The following CCDC171 variants were observed in gnomAD, a reference collection of about 807,000 sequenced individuals.
CCDC171 encodes the protein coiled-coil domain-containing protein 171.
Under a neutral mutation model 168.2 loss-of-function variants are expected in CCDC171, and 177 were observed. That is an observed-to-expected ratio of 1.05 (90% CI 0.93 to 1.19). CCDC171 has a LOEUF of 1.19. Ranked by LOEUF, CCDC171 falls within the 50% of genes most tolerant of loss-of-function variation. The pLI is 0.00. For missense variants in CCDC171, 1,991 were observed against 1,539.0 expected, an observed-to-expected ratio of 1.29 and a Z score of -4.91; for synonymous variants, 687 against 540.8, an observed-to-expected ratio of 1.27 and a Z score of -3.75.
intron 18 of CCDC171, among the ~76,000 whole-genome samples, chr9:15,748,739 G>T (rs1376726354): frequency 6.6e-6 from 1 of 152,102 alleles, no homozygotes; most frequent in Non-Finnish European, 1.5e-5. Flanking sequence ...CTTAAGTGAA[G>T]GAGAAATAAA....
At chr9:15,893,480 C>A (rs1388886840) in intron 24 of CCDC171, among the ~76,000 whole-genome samples, 3 of 152,118 alleles carry the variant, frequency 2.0e-5, no homozygotes, top group Non-Finnish European at 4.4e-5. Flanking sequence ...AAGAAGCTAT[C>A]ATCAGATTGA....
In CCDC171 at chr9:15,947,764, T is replaced by C. The variant is rs79946299; in HGVS notation, c.3754-23845T>C. 1.7e-3 allele frequency among the ~76,000 whole-genome samples: 259 copies of C among 152,144 alleles called. 2 individuals are homozygous for C. Among genetic ancestry groups the C allele is most frequent in the African/African-American group, 5.8e-3 (241 of 41,568 alleles). ...GGATCATTTGGTGATTCTATTTTTT[T>C]TTCCCAGTGGTTCATAATGGGCATA... is the stretch of plus-strand genomic sequence containing the variant. On this transcript the variant is annotated intron_variant, in intron 25 of 25. Transcript: ENST00000380701.
At chr9:16,036,467 A>G (rs1586850170) in intron 8 of CCDC171, among the ~76,000 whole-genome samples, 1 of 152,064 alleles carries the variant, frequency 6.6e-6, no homozygotes, top group Non-Finnish European at 1.5e-5. Context: ...ACATGGTGAA[A>G]CCCCGTCTCT....
intron 25 of CCDC171, among the ~76,000 whole-genome samples, chr9:15,968,392 C>A (rs1480154668): frequency 6.6e-6 from 1 of 152,130 alleles, no homozygotes; most frequent in African/African-American, 2.4e-5. Flanking sequence ...CTGTCCTTTA[C>A]TCTCTGTGTT....
chr9:15,826,857 T>G (rs544404699), intron 21 of CCDC171, among the ~76,000 whole-genome samples: 1 of 152,344 alleles, frequency 6.6e-6, no homozygotes, highest in African/African-American at 2.4e-5. Context: ...ACCATTATGT[T>G]TTAGATTAAT....
rs145594508 is a variant in CCDC171 at position 15,922,176 on chromosome 9, C to T, written c.3753+1754C>T. On this transcript the variant is annotated intron_variant, in intron 25 of 25. Coordinates refer to ENST00000380701, the MANE Select transcript of CCDC171 (RefSeq NM_173550.4). ...GTAGTGATTCTTCATCTATAGAATG[C>T]GAAACATTCCCCCAGGTGATTCTGA... 2.5e-3 allele frequency: 996 copies of T among 406,072 alleles called. 9 individuals are homozygous for T. The highest frequency in any genetic ancestry group is 0.018 in the African/African-American group (890 of 49,446). The allele number at this position is 406,072 out of a possible 1,614,324, so 25.2% of individuals were successfully genotyped here.
intron 3 of CCDC171, among the ~76,000 whole-genome samples, chr9:15,572,154 C>A (rs2040277442): frequency 6.6e-6 from 1 of 152,010 alleles, no homozygotes; most frequent in Non-Finnish European, 1.5e-5. Flanking sequence ...TAGTTCAGTT[C>A]ATAAATTGTC....
intron 23 of CCDC171, among the ~76,000 whole-genome samples, chr9:15,870,024 G>A (rs2061967872): frequency 6.6e-6 from 1 of 151,580 alleles, no homozygotes; most frequent in Non-Finnish European, 1.5e-5. Context: ...TGAACCATAT[G>A]GTCTTTGTCT....
chr9:15,932,883 G>A (rs1289984086), intron 25 of CCDC171, among the ~76,000 whole-genome samples: 1 of 151,820 alleles, frequency 6.6e-6, no homozygotes, highest in African/African-American at 2.4e-5. Context: ...TGTTAATGTG[G>A]TATATCACAG....
At chr9:16,072,310 T>G in the CCDC171 span, among the ~76,000 whole-genome samples, 1 of 152,208 alleles carries the variant, frequency 6.6e-6, no homozygotes, top group Non-Finnish European at 1.5e-5. Flanking sequence ...CTTCCTCTCC[T>G]GACCCTAACT....
chr9:16,089,178 A>T, the CCDC171 span, among the ~76,000 whole-genome samples: 6 of 151,962 alleles, frequency 3.9e-5, no homozygotes, highest in East Asian at 9.8e-4. Flanking sequence ...CTGAAACTGG[A>T]CCCCTTCTTT....
chr9:16,083,633 G>T, the CCDC171 span, among the ~76,000 whole-genome samples: 1 of 152,110 alleles, frequency 6.6e-6, no homozygotes, highest in Non-Finnish European at 1.5e-5. Context: ...GATGGTTCTA[G>T]AAAGACCTAG....
intron 1 of CCDC171, among the ~76,000 whole-genome samples, chr9:16,047,038 A>G (rs539062919): frequency 6.6e-6 from 1 of 152,168 alleles, no homozygotes; most frequent in Non-Finnish European, 1.5e-5. Context: ...TAAGGACTGC[A>G]TCCTTGGCCT....
chr9:15,735,048 A>AC (rs1564309763), intron 16 of CCDC171, among the ~76,000 whole-genome samples: 3 of 152,224 alleles, frequency 2.0e-5, no homozygotes, highest in Non-Finnish European at 2.9e-5. Flanking sequence ...TATCTGAAAA[A>AC]ATGTAGTAGA....
At chr9:15,777,109 T>C (rs1024016661) in intron 18 of CCDC171, among the ~76,000 whole-genome samples, 4 of 152,238 alleles carry the variant, frequency 2.6e-5, no homozygotes, top group African/African-American at 7.2e-5. Flanking sequence ...GCAGGCCATG[T>C]TGGATATGCT....
At chr9:15,838,451 C>G (rs545259072) in intron 21 of CCDC171, among the ~76,000 whole-genome samples, 38 of 152,316 alleles carry the variant, frequency 2.5e-4, no homozygotes, top group African/African-American at 9.1e-4. Context: ...GGCTGCTTCA[C>G]AGCCTAGAAT....
intron 24 of CCDC171, among the ~76,000 whole-genome samples, chr9:15,901,897 G>T (rs1364746811): frequency 1.3e-5 from 2 of 152,098 alleles, no homozygotes; most frequent in Non-Finnish European, 2.9e-5. Context: ...CTTTATAATA[G>T]TTTATAATGA....
At chr9:15,648,025 A>G (rs2047189835) in intron 7 of CCDC171, among the ~76,000 whole-genome samples, 1 of 152,228 alleles carries the variant, frequency 6.6e-6, no homozygotes, top group African/African-American at 2.4e-5. Context: ...CGAATCCAGC[A>G]GCACATCGAA....
At chr9:16,008,700 C>A (rs1832777009) in intron 3 of CCDC171, among the ~76,000 whole-genome samples, 1 of 152,314 alleles carries the variant, frequency 6.6e-6, no homozygotes, top group African/African-American at 2.4e-5. Context: ...GCAAGCCTCA[C>A]TTCTAATTCT....
Sources: allele counts gnomAD v4.1 joint callset (sites outside exome capture counted in the v4.1 genomes callset), GRCh38; gene constraint gnomAD v4.1.1; transcripts MANE v1.5; gene names NCBI Gene and HGNC (gene_info 2026-07-23, HGNC 2026-07-21).